NCKAP5: variants seen among roughly 807,000 people sequenced by gnomAD.
NCKAP5 encodes nck-associated protein 5.
NCKAP5 carries 92 observed loss-of-function variants against 167.0 expected under a neutral mutation model. The ratio of observed to expected loss-of-function variants is 0.55; its 90% CI spans 0.47 to 0.66. The LOEUF (loss-of-function observed/expected upper bound fraction) is 0.66. NCKAP5 is among the 30% of genes least tolerant of loss of function. The pLI is 0.00. For missense variants in NCKAP5, 2,378 were observed against 2,315.0 expected, an observed-to-expected ratio of 1.03 and a Z score of -0.56; for synonymous variants, 891 against 877.4, an observed-to-expected ratio of 1.02 and a Z score of -0.27.
chr2:133,061,663 C>T (rs1316807682), intron 6 of NCKAP5, among the ~76,000 whole-genome samples: 5 of 152,178 alleles, frequency 3.3e-5, no homozygotes, highest in South Asian at 2.1e-4. Context: ...CATTGTCTGA[C>T]GGAACTGCCA....
At chr2:133,551,167 C>G (rs1361617319) in intron 2 of NCKAP5, among the ~76,000 whole-genome samples, 2 of 152,050 alleles carry the variant, frequency 1.3e-5, no homozygotes, top group African/African-American at 4.8e-5. Context: ...GGCCATACTG[C>G]CCAAGGTAAT....
chr2:132,788,508 A>G (rs1473069828), intron 13 of NCKAP5, among the ~76,000 whole-genome samples: 2 of 152,166 alleles, frequency 1.3e-5, no homozygotes, highest in Admixed American at 1.3e-4. Flanking sequence ...ATCTTGGTTC[A>G]GTTATTTAAC....
chr2:133,619,803 C>T, the NCKAP5 span, among the ~76,000 whole-genome samples: 18 of 152,236 alleles, frequency 1.2e-4, 1 homozygote, highest in African/African-American at 4.3e-4. Context: ...ACATAGCCAT[C>T]AGGTTATCTA....
In NCKAP5 at chr2:133,567,912, AAAAAC is replaced by A. The variant is rs1198528828; in HGVS notation, c.-130+299_-130+303del. 3.3e-5 allele frequency among the ~76,000 whole-genome samples: 5 copies of A among 152,298 alleles called. 1 individual carries two copies. Among genetic ancestry groups the A allele is most frequent in the Middle Eastern group, 6.8e-3 (2 of 294 alleles). On this transcript the variant is annotated intron_variant, in intron 1 of 19. Transcript: ENST00000409261. ...GGTTGGTTGTATCTCTTTAAAAAAC[AAAAAC>A]AAAACAAATGAAAAACCAAACCTGA...
At position 133,363,522 on chromosome 2, in the gene NCKAP5, A is replaced by G. The variant is rs139720698; in HGVS notation, c.70-60412T>C. Among the ~76,000 whole-genome samples, 1,095 of 152,296 alleles carry G rather than the reference A, an allele frequency of 7.2e-3. 15 individuals are homozygous for G. The highest frequency in any genetic ancestry group is 0.023 in the African/African-American group (959 of 41,566). ...AACTTTACTTATACTCATTTTCATC[A>G]TCGACATTAATCTACATTAACAGAA... is the stretch of plus-strand genomic sequence containing the variant. On this transcript the variant is annotated intron_variant, in intron 3 of 19. Transcript: ENST00000409261.
chr2:133,263,409 T>C (rs1220972917), intron 4 of NCKAP5, among the ~76,000 whole-genome samples: 1 of 152,090 alleles, frequency 6.6e-6, no homozygotes, highest in Non-Finnish European at 1.5e-5. Flanking sequence ...GGATTACTTC[T>C]TGGCTTATCT....
chr2:133,012,787 T>C lies in NCKAP5; in HGVS notation c.342-18548A>G, dbSNP rs1327246147. Reference sequence around the variant, plus strand: ...CTGTTTGCCCTATCTGCTCATTCTGTCTCTCAAATCATTTACTGCCCCCTT... The same window carrying C: ...CTGTTTGCCCTATCTGCTCATTCTGCCTCTCAAATCATTTACTGCCCCCTT... On this transcript the variant is annotated intron_variant, in intron 6 of 19. Coordinates refer to ENST00000409261, the MANE Select transcript of NCKAP5 (RefSeq NM_207363.3). Among the ~76,000 whole-genome samples the C allele has an allele frequency of 2.6e-5, 4 of 152,014 alleles. No homozygotes were observed. In the East Asian group the frequency reaches 7.7e-4, roughly 29 times the overall value.
At position 132,782,297 on chromosome 2, in the gene NCKAP5, G is replaced by A. The variant is rs768785814; in HGVS notation, c.4514C>T (p.Ser1505Phe). The A allele has an allele frequency of 3.7e-6, 6 of 1,614,048 alleles. No individual in the cohort carries two copies. In the South Asian group the frequency reaches 6.6e-5, roughly 18 times the overall value. Residue 1505 changes from serine (S) to phenylalanine (F), a missense_variant, in exon 14 of 20, where the codon TCT becomes TTT. Physicochemically the swap from Ser to Phe is radical, Grantham distance 155. This residue lies in a region of NCKAP5 where 1,325 missense variants were observed against 1,274.5 expected (regional missense o/e 1.04). Transcript: ENST00000409261. ...CCGAAAACCAAACCAGCTGGCAAAA[G>A]AAGGCCCAGGCTTCTGCTTTGCTTC... ...SVEAKQKPGP[S>F]FASWFGFRKS...
chr2:133,239,705 A>T (rs2087592038), intron 4 of NCKAP5, among the ~76,000 whole-genome samples: 2 of 152,224 alleles, frequency 1.3e-5, no homozygotes, highest in Admixed American at 6.5e-5. Context: ...AGAGTTTCTG[A>T]AGGAAACTAA....
chr2:133,529,941 T>C (rs1437522508), intron 2 of NCKAP5, among the ~76,000 whole-genome samples: 3 of 152,172 alleles, frequency 2.0e-5, no homozygotes, highest in Non-Finnish European at 4.4e-5. Flanking sequence ...ATTGCAAATA[T>C]TTTCCCCCCA....
rs962113052 is a variant in NCKAP5 at position 132,676,529 on chromosome 2, G to A, written c.5714-3224C>T. 7.2e-5 allele frequency among the ~76,000 whole-genome samples: 11 copies of A among 151,950 alleles called. 1 individual carries two copies. In the East Asian group the frequency reaches 1.5e-3, roughly 21 times the overall value. ...ACTTTTCTGCCTATAGGAGCATACC[G>A]AACCTCAACATTGTCTTGTCAGATC... On this transcript the variant is annotated intron_variant, in intron 19 of 19. Coordinates refer to ENST00000409261, the MANE Select transcript of NCKAP5 (RefSeq NM_207363.3).
chr2:133,186,710 T>G lies in NCKAP5; in HGVS notation c.207+27006A>C, dbSNP rs561199750. 3.9e-5 allele frequency among the ~76,000 whole-genome samples: 6 copies of G among 152,226 alleles called. No individual in the cohort carries two copies. The East Asian group carries it at 1.2e-3, about 29-fold the overall frequency. On this transcript the variant is annotated intron_variant, in intron 5 of 19. Transcript: ENST00000409261. ...TGTGTGTTTCCAGGAATTTATTCAT[T>G]TCCTCTAGATTTTCTAATACGTGTG...
the NCKAP5 span, among the ~76,000 whole-genome samples, chr2:133,600,991 C>G: frequency 6.6e-6 from 1 of 152,244 alleles, no homozygotes; most frequent in African/African-American, 2.4e-5. Flanking sequence ...CTACTACTGA[C>G]TTCAAACTTG....
rs1219409650 is a variant in NCKAP5, at chr2:132,784,998, A to T, written c.1813T>A (p.Ser605Thr). 3.7e-6 allele frequency: 6 copies of T among 1,613,920 alleles called. No individual in the cohort carries two copies. In the Middle Eastern group the frequency reaches 6.6e-4, roughly 178 times the overall value. Residue 605 changes from serine (S) to threonine (T), a missense_variant, in exon 14 of 20, where the codon TCA becomes ACA. By Grantham distance (58) the Ser-to-Thr change is moderately conservative. Coordinates refer to ENST00000409261, the MANE Select transcript of NCKAP5 (RefSeq NM_207363.3). ...GACTTATCGGTGTCGGCAGCCAATG[A>T]CACGTCTGAAGGACTTTTCTCATCA... ...SSDEKSPSDV[S>T]LAADTDKSVE...
At chr2:132,834,205 C>T (rs1051091805) in intron 11 of NCKAP5, among the ~76,000 whole-genome samples, 1 of 152,024 alleles carries the variant, frequency 6.6e-6, no homozygotes, top group Admixed American at 6.6e-5. Context: ...CCCTTTATTT[C>T]ATTTTTTAGA....
At chr2:132,955,005 T>C (rs988492913) in intron 8 of NCKAP5, among the ~76,000 whole-genome samples, 2 of 152,216 alleles carry the variant, frequency 1.3e-5, no homozygotes, top group Non-Finnish European at 1.5e-5. Flanking sequence ...GCCAGATACT[T>C]TAAGACAGGG....
chr2:133,082,850 G>C (rs1229810657), intron 6 of NCKAP5, among the ~76,000 whole-genome samples: 1 of 152,116 alleles, frequency 6.6e-6, no homozygotes, highest in Non-Finnish European at 1.5e-5. Flanking sequence ...TGGTGCTTCG[G>C]GAGCCATTAT....
chr2:132,714,207 T>C (rs1000421939), intron 19 of NCKAP5, among the ~76,000 whole-genome samples: 54 of 152,326 alleles, frequency 3.5e-4, no homozygotes, highest in African/African-American at 1.2e-3. Context: ...CTTAATGAAA[T>C]TGTATATCCG....
chr2:132,888,339 C>T (rs1412267526), intron 8 of NCKAP5, among the ~76,000 whole-genome samples: 1 of 151,934 alleles, frequency 6.6e-6, no homozygotes, highest in Non-Finnish European at 1.5e-5. Flanking sequence ...CCAACTTTTC[C>T]CCTTTGCAAA....
Sources: allele counts gnomAD v4.1 joint callset (sites outside exome capture counted in the v4.1 genomes callset), GRCh38; gene constraint gnomAD v4.1.1; regional missense constraint gnomAD v4.1.1; transcripts MANE v1.5; gene names NCBI Gene and HGNC (gene_info 2026-07-23, HGNC 2026-07-21).